The following MELK variants were observed in gnomAD, a reference collection of about 807,000 sequenced individuals.
The protein encoded by MELK is pEg3 kinase.
A neutral mutation model predicts 85.0 loss-of-function variants in MELK; 81 were observed. That is an observed-to-expected ratio of 0.95 (90% CI 0.80 to 1.15). The LOEUF is 1.15. Among genes scored for constraint, MELK ranks in the 50% most tolerant of loss-of-function variants. The pLI is 0.00. For synonymous variants in MELK, 252 were observed against 265.0 expected (o/e 0.95, Z 0.48); for missense variants, 754 against 777.5 (o/e 0.97, Z 0.36).
intron 4 of MELK, among the ~76,000 whole-genome samples, chr9:36,592,108 T>A (rs1343612128): frequency 6.6e-6 from 1 of 151,124 alleles, no homozygotes. Context: ...CTCCTTGGCC[T>A]CCCAAAATGT....
chr9:36,583,012 C>T (rs556617644), intron 2 of MELK, among the ~76,000 whole-genome samples: 42 of 148,012 alleles, frequency 2.8e-4, no homozygotes, highest in Non-Finnish European at 5.0e-4. Flanking sequence ...CTTGCTCTGT[C>T]GCCCAGGCTG....
intron 3 of MELK, among the ~76,000 whole-genome samples, chr9:36,584,040 C>T (rs1008355168): frequency 6.6e-6 from 1 of 152,054 alleles, no homozygotes; most frequent in Non-Finnish European, 1.5e-5. Flanking sequence ...GAGTCTCGCT[C>T]TGTCGCCCAG....
chr9:36,597,230 G>C lies in MELK; in HGVS notation c.414G>C (p.Leu138Phe). Reference sequence around the variant, plus strand: ...TATCTTTGTTTTCCCAGGAAAATTTGCTGTTTGATGAATATCATAAATTAA... The same window carrying C: ...TATCTTTGTTTTCCCAGGAAAATTTCCTGTTTGATGAATATCATAAATTAA... ...YAHRDLKPEN[L>F]LFDEYHKLKL... is the part of the protein sequence containing the mutation. Residue 138 changes from leucine to phenylalanine, a missense_variant, in exon 6 of 18, where the codon TTG becomes TTC. Coordinates refer to ENST00000298048, the MANE Select transcript of MELK (RefSeq NM_014791.4). 1 of 1,613,122 alleles carries C rather than the reference G, an allele frequency of 6.2e-7. No individual in the cohort carries two copies.
chr9:36,642,910 TA>T (rs1829887634), intron 10 of MELK, 86 bp from the exon 11 acceptor site: 2 of 917,148 alleles, frequency 2.2e-6, no homozygotes, highest in Non-Finnish European at 3.3e-6. Flanking sequence ...TTTGATTGTA[TA>T]AAGTAATTAT....
chr9:36,627,486 A>C (rs1234292315), intron 8 of MELK, among the ~76,000 whole-genome samples: 4 of 150,618 alleles, frequency 2.7e-5, no homozygotes, highest in Non-Finnish European at 4.4e-5. Flanking sequence ...TATCGAAAGC[A>C]CTCAGTATTA....
At chr9:36,617,850 G>T (rs1470242403) in intron 8 of MELK, among the ~76,000 whole-genome samples, 1 of 152,210 alleles carries the variant, frequency 6.6e-6, no homozygotes, top group Non-Finnish European at 1.5e-5. Context: ...TGTAGACCAG[G>T]TGTGGTGGCT....
chr9:36,657,256 C>A lies in MELK; in HGVS notation c.1069C>A (p.Leu357Met), dbSNP rs543114583. ...CATTGAGTAGTCAAATAATTGGAGT[C>A]TGGAAGATGTGACCGCAAGTGATAA... ...FTDIKSNNWSLEDVTASDKNY... is the reference protein window; with the variant it reads ...FTDIKSNNWSMEDVTASDKNY... Residue 357 changes from leucine to methionine, a missense_variant, in exon 13 of 18, where the codon CTG becomes ATG. By Grantham distance (15) the Leu-to-Met change is conservative. Coordinates refer to ENST00000298048, the MANE Select transcript of MELK (RefSeq NM_014791.4). 4 of 1,612,104 alleles carry A rather than the reference C, an allele frequency of 2.5e-6. No individual in the cohort carries two copies. The Admixed American group carries it at 6.7e-5, about 27-fold the overall frequency.
chr9:36,600,305 G>T (rs1824784068), intron 7 of MELK, among the ~76,000 whole-genome samples: 1 of 151,966 alleles, frequency 6.6e-6, no homozygotes, highest in South Asian at 2.1e-4. Flanking sequence ...GGCCAGGCTG[G>T]TTTCAAACTC....
At chr9:36,667,312 C>T (rs542161740) in intron 14 of MELK, among the ~76,000 whole-genome samples, 8 of 151,902 alleles carry the variant, frequency 5.3e-5, no homozygotes, top group East Asian at 1.9e-4. Flanking sequence ...CCTGCTACCA[C>T]GCTCAGCTAA....
At chr9:36,592,147 C>G (rs1488982331) in intron 4 of MELK, among the ~76,000 whole-genome samples, 1 of 151,656 alleles carries the variant, frequency 6.6e-6, no homozygotes, top group Non-Finnish European at 1.5e-5. Context: ...CAACTATGCC[C>G]CACCCTAGTC....
At chr9:36,657,491 G>T in intron 13 of MELK, 128 bp downstream of exon 13, 2 of 995,762 alleles carry the variant, frequency 2.0e-6, no homozygotes, top group Non-Finnish European at 2.8e-6. Context: ...ATGTTTATGA[G>T]CGATAACTGG....
At chr9:36,649,867 T>A (rs962504246) in intron 11 of MELK, among the ~76,000 whole-genome samples, 1 of 152,174 alleles carries the variant, frequency 6.6e-6, no homozygotes, top group Non-Finnish European at 1.5e-5. Context: ...GGAGGATTGG[T>A]TGAGGCCAGG....
rs1330957683 is a variant in MELK at position 36,608,946 on chromosome 9, G to T, written c.666+1273G>T. Among the ~76,000 whole-genome samples, 4 of 152,290 alleles carry T rather than the reference G, an allele frequency of 2.6e-5. No individual in the cohort carries two copies. The East Asian group carries it at 7.7e-4, about 29-fold the overall frequency. Reference sequence around the variant, plus strand: ...AAGCTTAACAAAATAAAAACAGAATGCTGTGTCAAATCACATTTTCCTTTT... The same window carrying T: ...AAGCTTAACAAAATAAAAACAGAATTCTGTGTCAAATCACATTTTCCTTTT... On this transcript the variant is annotated intron_variant, in intron 8 of 17. Transcript: ENST00000298048.
chr9:36,589,154 AT>A (rs1000949599), intron 3 of MELK, among the ~76,000 whole-genome samples: 132 of 145,240 alleles, frequency 9.1e-4, no homozygotes, highest in Middle Eastern at 3.5e-3. Context: ...GCTACTTAGT[AT>A]TTTTTTTTTT....
chr9:36,611,056 A>G (rs1006448854), intron 8 of MELK, among the ~76,000 whole-genome samples: 1 of 152,178 alleles, frequency 6.6e-6, no homozygotes, highest in Non-Finnish European at 1.5e-5. Context: ...CGGATTTGGC[A>G]TATTCAGTCA....
chr9:36,615,816 T>C (rs1483359599), intron 8 of MELK, among the ~76,000 whole-genome samples: 3 of 146,874 alleles, frequency 2.0e-5, no homozygotes, highest in African/African-American at 7.7e-5. Context: ...GAAGAGGCGC[T>C]CCTCACTTCC....
intron 6 of MELK, among the ~76,000 whole-genome samples, chr9:36,598,118 T>C (rs1159747082): frequency 1.3e-5 from 2 of 152,014 alleles, no homozygotes; most frequent in Non-Finnish European, 2.9e-5. Flanking sequence ...GATTCTTCTC[T>C]CCTTCCCTTG....
chr9:36,640,850 C>T (rs373723023), intron 10 of MELK, among the ~76,000 whole-genome samples: 31 of 152,340 alleles, frequency 2.0e-4, no homozygotes, highest in African/African-American at 7.5e-4. Flanking sequence ...TACTATTACA[C>T]TAGTGATTAG....
At chr9:36,651,114 AG>A (rs1243115629) in intron 11 of MELK, among the ~76,000 whole-genome samples, 3 of 152,184 alleles carry the variant, frequency 2.0e-5, no homozygotes, top group African/African-American at 2.4e-5. Context: ...CACTATCTTC[AG>A]TGCCCTCCAT....
Sources: allele counts gnomAD v4.1 joint callset (sites outside exome capture counted in the v4.1 genomes callset), GRCh38; gene constraint gnomAD v4.1.1; transcripts MANE v1.5; gene names NCBI Gene and HGNC (gene_info 2026-07-23, HGNC 2026-07-21).